NRXN1: variants seen among roughly 807,000 people sequenced by gnomAD.
NRXN1 encodes the protein neurexin-1.
A neutral mutation model predicts 150.9 loss-of-function variants in NRXN1; 39 were observed. The observed-to-expected ratio is 0.26, with a 90% CI of 0.20 to 0.34. NRXN1 has a LOEUF of 0.34. Among genes scored for constraint, NRXN1 ranks in the 10% least tolerant of loss-of-function variants. The probability of loss-of-function intolerance (pLI) is 1.00; values close to 1 mark genes in which losing one functional copy is unlikely to be tolerated. For synonymous variants in NRXN1, 924 were observed against 757.0 expected (o/e 1.22, Z -3.62); for missense variants, 1,815 against 1,949.9 (o/e 0.93, Z 1.30).
intron 17 of NRXN1, among the ~76,000 whole-genome samples, chr2:50,353,099 A>C (rs914728233): frequency 1.3e-5 from 2 of 152,116 alleles, no homozygotes; most frequent in African/African-American, 4.8e-5. Context: ...CTAGATGTGC[A>C]GTTTGACTTG....
At position 51,029,032 on chromosome 2, in the gene NRXN1, G is replaced by C. The variant is rs1483578579; in HGVS notation, c.-759C>G. On this transcript the variant is annotated 5_prime_UTR_variant, in exon 2 of 23. Coordinates refer to ENST00000401669, the MANE Select transcript of NRXN1 (RefSeq NM_001330078.2). ...ACGGCAACAGTAGGACTCAAACCCA[G>C]CAGTTGCGAAATAGCCAGAAGCTGT... The C allele has an allele frequency of 1.3e-5, 2 of 152,238 alleles. No individual in the cohort carries two copies. Among genetic ancestry groups the C allele is most frequent in the African/African-American group, 4.8e-5 (2 of 41,454 alleles). 9.4% of individuals were successfully genotyped at this position (152,238 alleles called of 1,614,324 possible).
At chr2:50,137,493 C>G (rs1706600791) in intron 18 of NRXN1, among the ~76,000 whole-genome samples, 1 of 152,002 alleles carries the variant, frequency 6.6e-6, no homozygotes, top group Admixed American at 6.6e-5. Flanking sequence ...AAATCTTGTT[C>G]TACTTGACTG....
chr2:50,009,539 C>T (rs149850348), intron 21 of NRXN1, among the ~76,000 whole-genome samples: 2,601 of 152,180 alleles, frequency 0.017, 28 homozygotes, highest in Middle Eastern at 0.031. Flanking sequence ...CAGTCTTCTT[C>T]CTTTAGAAAT....
chr2:50,655,845 C>G (rs1475070080), intron 5 of NRXN1, among the ~76,000 whole-genome samples: 1 of 151,772 alleles, frequency 6.6e-6, no homozygotes, highest in Admixed American at 6.6e-5. Flanking sequence ...GAAAAATACT[C>G]AAAGAGATGC....
chr2:50,531,805 C>T (rs2093122554), intron 10 of NRXN1, among the ~76,000 whole-genome samples: 1 of 151,976 alleles, frequency 6.6e-6, no homozygotes, highest in African/African-American at 2.4e-5. Flanking sequence ...TTTGAAACAC[C>T]AGCGAAGTTG....
chr2:50,198,997 T>C (rs1018130403), intron 18 of NRXN1: 6 of 152,132 alleles, frequency 3.9e-5, no homozygotes, highest in African/African-American at 1.4e-4. Context: ...AGATGCATTA[T>C]CAGAACAAAA....
chr2:50,575,935 A>G (rs1671378529), intron 8 of NRXN1, among the ~76,000 whole-genome samples: 1 of 152,184 alleles, frequency 6.6e-6, no homozygotes, highest in African/African-American at 2.4e-5. Context: ...ACATCATGGC[A>G]GTTACTTTTG....
At chr2:50,465,234 AC>A (rs772726771) in intron 17 of NRXN1, among the ~76,000 whole-genome samples, 5 of 151,870 alleles carry the variant, frequency 3.3e-5, no homozygotes, top group Non-Finnish European at 7.4e-5. Context: ...AAACCCAAAA[AC>A]CAAAGAATCA....
chr2:50,249,642 CTT>C lies in NRXN1; in HGVS notation c.3365-12674_3365-12673del, dbSNP rs35165216. Among the ~76,000 whole-genome samples, 54 of 144,908 alleles carry C rather than the reference CTT, an allele frequency of 3.7e-4. 1 individual carries two copies. Among genetic ancestry groups the C allele is most frequent in the Non-Finnish European group, 3.5e-4 (23 of 65,892 alleles). On this transcript the variant is annotated intron_variant, in intron 17 of 22. Transcript: ENST00000401669. The stretch of plus-strand genomic sequence containing the variant: ...CAAACACATGTCATTTCTTTCCTTT[CTT>C]TTTTTTTTTTTGAGATGGCGTCGCA...
intron 13 of NRXN1, among the ~76,000 whole-genome samples, chr2:50,499,666 G>A (rs543800881): frequency 5.9e-5 from 9 of 152,230 alleles, no homozygotes; most frequent in Non-Finnish European, 1.2e-4. Flanking sequence ...CTTAAAAATC[G>A]TCTAGATGCG....
chr2:50,538,464 G>C lies in NRXN1; in HGVS notation c.1932C>G (p.Ile644Met), dbSNP rs2093317036. 1 of 1,613,818 alleles carries C rather than the reference G, an allele frequency of 6.2e-7. No homozygotes were observed. Among genetic ancestry groups the C allele is most frequent in the Admixed American group, 1.7e-5 (1 of 59,990 alleles). ...ALLNYGYVGC[I>M]RDLFIDGQSK... ...TTTGGCCATCGATGAACAAATCCCT[G>C]ATGCAGCCCACGTAGCCATAGTTGA... is the stretch of plus-strand genomic sequence containing the variant. Residue 644 changes from isoleucine to methionine, a missense_variant, in exon 10 of 23, where the codon ATC (isoleucine) becomes ATG (methionine). Physicochemically the swap from Ile to Met is conservative, Grantham distance 10. This residue lies in a region of NRXN1 where 638 missense variants were observed against 652.6 expected (regional missense o/e 0.98). Coordinates refer to ENST00000401669, the MANE Select transcript of NRXN1 (RefSeq NM_001330078.2).
At chr2:50,358,646 T>C (rs1229645775) in intron 17 of NRXN1, among the ~76,000 whole-genome samples, 6 of 152,218 alleles carry the variant, frequency 3.9e-5, no homozygotes, top group African/African-American at 1.2e-4. Flanking sequence ...GAGCGGCTGT[T>C]GGCACAGCTT....
intron 17 of NRXN1, among the ~76,000 whole-genome samples, chr2:50,376,312 T>A (rs1558625493): frequency 6.6e-6 from 1 of 151,862 alleles, no homozygotes; most frequent in Non-Finnish European, 1.5e-5. Context: ...ACAAAATTAT[T>A]TGTCTCCATT....
At chr2:49,933,663 AG>A (rs10711664) in intron 22 of NRXN1, among the ~76,000 whole-genome samples, 152,315 of 152,316 alleles carry the variant, frequency 1, 76,157 homozygotes, top group Non-Finnish European at 1. Context: ...TTTATATCCC[AG>A]GGGTTACTGT....
At chr2:50,492,420 T>C (rs1558823830) in intron 15 of NRXN1, among the ~76,000 whole-genome samples, 1 of 152,136 alleles carries the variant, frequency 6.6e-6, no homozygotes, top group South Asian at 2.1e-4. Flanking sequence ...TTTCTGATCG[T>C]TTCTATTGGA....
rs148904493 is a variant in NRXN1, at chr2:50,602,721, C to T, written c.1320+17301G>A. Among the ~76,000 whole-genome samples, 98 of 151,980 alleles carry T rather than the reference C, an allele frequency of 6.4e-4. 1 individual carries two copies. The highest frequency in any genetic ancestry group is 2.3e-3 in the African/African-American group (96 of 41,484). On this transcript the variant is annotated intron_variant, in intron 8 of 22. Transcript: ENST00000401669. ...GAATAAAAGGGAACATGTATTCTGGCAAAAAAGGAAACAGACTTTACTGAC... is the reference window on the plus strand; with the variant it reads ...GAATAAAAGGGAACATGTATTCTGGTAAAAAAGGAAACAGACTTTACTGAC...
chr2:49,985,336 C>T lies in NRXN1; in HGVS notation c.4129-41545G>A, dbSNP rs370279935. 2.8e-3 allele frequency among the ~76,000 whole-genome samples: 433 copies of T among 152,160 alleles called. 1 individual carries two copies. Among genetic ancestry groups the T allele is most frequent in the Non-Finnish European group, 5.2e-3 (351 of 68,016 alleles). ...TTTATTTTTGACATAACTCATTCAC[C>T]GTGGAAGAAATTAGTGTTCTATATT... On this transcript the variant is annotated intron_variant, in intron 21 of 22. Coordinates refer to ENST00000401669, the MANE Select transcript of NRXN1 (RefSeq NM_001330078.2).
chr2:50,472,488 G>C lies in NRXN1; in HGVS notation c.3071-17C>G, dbSNP rs200354492. The C allele has an allele frequency of 4.0e-5, 64 of 1,604,056 alleles. No homozygotes were observed. Among genetic ancestry groups the C allele is most frequent in the Non-Finnish European group, 5.2e-5 (61 of 1,173,310 alleles). ...ATAAGTCACCTGCAAGAAGATCAAAGTCTTTGTTACAAAAGTACCATGTCA... is the reference window on the plus strand; with the variant it reads ...ATAAGTCACCTGCAAGAAGATCAAACTCTTTGTTACAAAAGTACCATGTCA... On this transcript the variant is annotated splice_polypyrimidine_tract_variant and intron_variant, in intron 15 of 22. Transcript: ENST00000401669.
At chr2:50,762,122 T>TACACACAC (rs35059030) in intron 5 of NRXN1, among the ~76,000 whole-genome samples, 3 of 145,842 alleles carry the variant, frequency 2.1e-5, no homozygotes, top group African/African-American at 7.6e-5. Context: ...TATATGTGTA[T>TACACACAC]ACACACACAC....
Sources: allele counts gnomAD v4.1 joint callset (sites outside exome capture counted in the v4.1 genomes callset), GRCh38; gene constraint gnomAD v4.1.1; regional missense constraint gnomAD v4.1.1; transcripts MANE v1.5; gene names NCBI Gene and HGNC (gene_info 2026-07-23, HGNC 2026-07-21).